The following PRSS27 variants were observed in gnomAD, a reference collection of about 807,000 sequenced individuals.
The protein encoded by PRSS27 is channel-activating protease 2.
PRSS27 carries 25 observed loss-of-function variants against 32.0 expected under a neutral mutation model. The observed-to-expected ratio is 0.78, with a 90% CI of 0.57 to 1.09. The LOEUF (loss-of-function observed/expected upper bound fraction) is 1.09, where lower values mean the gene tolerates loss of function less well. Among genes scored for constraint, PRSS27 ranks in the 50% least tolerant of loss-of-function variants. PRSS27 has a pLI of 0.00. For missense variants in PRSS27, 401 were observed against 394.9 expected, an observed-to-expected ratio of 1.02 and a Z score of -0.13; for synonymous variants, 178 against 172.2, an observed-to-expected ratio of 1.03 and a Z score of -0.26.
rs377061460 is a variant in PRSS27 at position 2,713,640 on chromosome 16, G to A, written c.567C>T (p.Pro189=). The change falls in exon 5 of 6, where the codon CCC becomes CCT. Residue 189 remains proline, a synonymous_variant. Coordinates refer to ENST00000302641, the MANE Select transcript of PRSS27 (RefSeq NM_031948.5). ...QKLAVPIIDT[P]KCNLLYSKDT... ...CTTTGCTGTAGAGCAGGTTGCACTTGGGTGTGTCGATGATGGGCACAGCGA... is the reference window on the plus strand; with the variant it reads ...CTTTGCTGTAGAGCAGGTTGCACTTAGGTGTGTCGATGATGGGCACAGCGA... 1 of 1,614,116 alleles carries A rather than the reference G, an allele frequency of 6.2e-7. No homozygotes were observed. The highest frequency in any genetic ancestry group is 1.3e-5 in the African/African-American group (1 of 74,950).
intron 2 of PRSS27, 175 bp downstream of exon 2, chr16:2,716,325 G>A (rs572864119): frequency 1.5e-6 from 1 of 666,480 alleles, no homozygotes; most frequent in African/African-American, 1.8e-5. Context: ...TCCTGCTCTT[G>A]TGTGGACCTT....
Position 2,712,914 on chromosome 16 carries a change from T to C in PRSS27, c.679-100A>G. On this transcript the variant is annotated intron_variant, in intron 5 of 5. Coordinates refer to ENST00000302641, the MANE Select transcript of PRSS27 (RefSeq NM_031948.5). The surrounding 1 kb of genome is among the most constrained non-coding windows in gnomAD (Gnocchi z 4.6). ...GTGTAGCTCCGCAATGGATTCCTTC[T>C]CTCCATCCCAGAGCCTCTCTGCCCG... The C allele has an allele frequency of 1.0e-6, 1 of 965,382 alleles. No homozygotes were observed. The allele number at this position is 965,382 out of a possible 1,614,324, so 59.8% of individuals were successfully genotyped here.
chr16:2,719,595 G>A (rs1002935692), intron 1 of PRSS27, among the ~76,000 whole-genome samples: 2 of 152,172 alleles, frequency 1.3e-5, no homozygotes, highest in African/African-American at 2.4e-5. Context: ...GCAGGAGACA[G>A]GGCCCTCTGC....
At chr16:2,719,094 G>A (rs1281904257) in intron 1 of PRSS27, among the ~76,000 whole-genome samples, 1 of 152,220 alleles carries the variant, frequency 6.6e-6, no homozygotes, top group Non-Finnish European at 1.5e-5. Context: ...GTGAGGACGT[G>A]TCCAGGAGTC....
chr16:2,719,226 T>C (rs776241164), intron 1 of PRSS27, among the ~76,000 whole-genome samples: 7 of 150,848 alleles, frequency 4.6e-5, no homozygotes, highest in Non-Finnish European at 7.4e-5. Context: ...CCTGTGCACA[T>C]GGCTTGCTCA....
chr16:2,719,732 A>G (rs1296337307), intron 1 of PRSS27, among the ~76,000 whole-genome samples: 4 of 152,102 alleles, frequency 2.6e-5, no homozygotes, highest in African/African-American at 9.7e-5. Context: ...AGGCACTTGG[A>G]GCCTGAGTTC....
intron 2 of PRSS27, 129 bp downstream of exon 2, chr16:2,716,371 A>G: frequency 1.2e-6 from 1 of 856,310 alleles, no homozygotes; most frequent in South Asian, 1.5e-5. Context: ...AGTTCCACAC[A>G]GCCCCCACTT....
rs1011553834 is a variant in PRSS27 at position 2,714,729 on chromosome 16, C to T, written c.237-393G>A. ...GCAGGTGACCTGCCCTCTCTCAGCC[C>T]GAGTTTCCGATTTTTTTTTTCCCCT... On this transcript the variant is annotated intron_variant, in intron 3 of 5. Coordinates refer to ENST00000302641, the MANE Select transcript of PRSS27 (RefSeq NM_031948.5). The surrounding 1 kb of genome is among the most constrained non-coding windows in gnomAD (Gnocchi z 4.7). 2.4e-5 allele frequency: 6 copies of T among 249,958 alleles called. No individual in the cohort carries two copies. Among genetic ancestry groups the T allele is most frequent in the Non-Finnish European group, 3.9e-5 (5 of 126,814 alleles). The allele number at this position is 249,958 out of a possible 1,614,324, so 15.5% of individuals were successfully genotyped here. A position where few individuals can be genotyped will look rare whatever the true frequency, so the allele number is the denominator to read the frequency against.
chr16:2,719,549 A>G (rs2067722196), intron 1 of PRSS27, among the ~76,000 whole-genome samples: 1 of 152,040 alleles, frequency 6.6e-6, no homozygotes, highest in African/African-American at 2.4e-5. Context: ...CAGGACTGGG[A>G]GAGGGCACGG....
rs1478148969 is a variant in PRSS27 at position 2,716,124 on chromosome 16, A to C, written c.74-244T>G. 4.3e-5 allele frequency: 23 copies of C among 532,312 alleles called. 1 individual carries two copies. The highest frequency in any genetic ancestry group is 1.3e-5 in the Non-Finnish European group (4 of 301,322). 33.0% of individuals were successfully genotyped at this position (532,312 alleles called of 1,614,324 possible). ...ACCTAACACCTGCCTCTTGGGGGCCACGGAGGCACTGAGATAACCCAGGGA... is the reference window on the plus strand; with the variant it reads ...ACCTAACACCTGCCTCTTGGGGGCCCCGGAGGCACTGAGATAACCCAGGGA... On this transcript the variant is annotated intron_variant, in intron 2 of 5. Coordinates refer to ENST00000302641, the MANE Select transcript of PRSS27 (RefSeq NM_031948.5).
chr16:2,712,714 C>T lies in PRSS27; in HGVS notation c.779G>A (p.Gly260Asp), dbSNP rs2067670115. 2.5e-6 allele frequency: 4 copies of T among 1,595,454 alleles called. No individual in the cohort carries two copies. The highest frequency in any genetic ancestry group is 2.3e-5 in the East Asian group (1 of 44,050). The change falls in exon 6 of 6, where the codon GGT (glycine) becomes GAT (aspartate). Residue 260 changes from glycine to aspartate, a missense_variant. Coordinates refer to ENST00000302641, the MANE Select transcript of PRSS27 (RefSeq NM_031948.5). This position sits in a 1 kb window ranked among gnomAD's most constrained non-coding sequence, Gnocchi z 4.6. ...GTGGGCGGTGACACGGATGTAGACACCTGGGCGGTTCTGGCGGGCACAGCC... is the reference window on the plus strand; with the variant it reads ...GTGGGCGGTGACACGGATGTAGACATCTGGGCGGTTCTGGCGGGCACAGCC... ...GEGCARQNRP[G>D]VYIRVTAHHN...
intron 2 of PRSS27, 128 bp from the exon 3 acceptor site, chr16:2,716,008 G>T (rs953321625): frequency 1.0e-5 from 8 of 796,498 alleles, no homozygotes; most frequent in Non-Finnish European, 9.4e-6. Flanking sequence ...CCTTGGGGAA[G>T]TCGGAGGCCT....
intron 1 of PRSS27, 136 bp downstream of exon 1, chr16:2,719,979 G>C: frequency 2.5e-6 from 2 of 808,292 alleles, no homozygotes; most frequent in South Asian, 3.5e-5. Flanking sequence ...CACCTGCTCA[G>C]GGGCAGGAGG....
rs574674040 is a variant in PRSS27, at chr16:2,717,348, C to G, written c.47-822G>C. The stretch of plus-strand genomic sequence containing the variant: ...CTGCTGTCCATTGCCTCCCACACCC[C>G]AGGACACAAAGGGCCTCTTGCTGGG... On this transcript the variant is annotated intron_variant, in intron 1 of 5. Coordinates refer to ENST00000302641, the MANE Select transcript of PRSS27 (RefSeq NM_031948.5). This position sits in a 1 kb window ranked among gnomAD's most constrained non-coding sequence, Gnocchi z 4.1. 1.3e-5 allele frequency: 2 copies of G among 152,432 alleles called. No homozygotes were observed. Among genetic ancestry groups the G allele is most frequent in the Non-Finnish European group, 2.9e-5 (2 of 68,232 alleles). The allele number at this position is 152,432 out of a possible 1,614,324, so 9.4% of individuals were successfully genotyped here.
At chr16:2,713,842 C>T (rs1443919687) in intron 4 of PRSS27, 144 bp from the exon 5 acceptor site, 10 of 1,035,456 alleles carry the variant, frequency 9.7e-6, no homozygotes, top group East Asian at 5.2e-5. Context: ...AGACATCCTC[C>T]CTCCTTCCAG....
rs1176986638 is a variant in PRSS27, at chr16:2,717,219, C to CAGG, written c.47-694_47-693insCCT. 1 of 152,518 alleles carries CAGG rather than the reference C, an allele frequency of 6.6e-6. No homozygotes were observed. The highest frequency in any genetic ancestry group is 1.5e-5 in the Non-Finnish European group (1 of 68,322). 9.4% of individuals were successfully genotyped at this position (152,518 alleles called of 1,614,324 possible). The stretch of plus-strand genomic sequence containing the variant: ...CTTGGCAGACGAGGCCCAGGACCCC[C>CAGG]TGCTGGGCTGTGCAAGGGGGCTTTG... On this transcript the variant is annotated intron_variant, in intron 1 of 5. Transcript: ENST00000302641. The surrounding 1 kb of genome is among the most constrained non-coding windows in gnomAD (Gnocchi z 4.1).
chr16:2,713,006 G>GGT (rs749148938), intron 5 of PRSS27, 192 bp from the exon 6 acceptor site: 81 of 565,722 alleles, frequency 1.4e-4, no homozygotes, highest in Middle Eastern at 4.5e-4. Context: ...GATCAACTAG[G>GGT]GTGTGTGTGT....
intron 5 of PRSS27, chr16:2,713,063 C>T: frequency 1.8e-6 from 1 of 541,256 alleles, no homozygotes; most frequent in Non-Finnish European, 3.2e-6. Flanking sequence ...CCCACTGACT[C>T]TGATCCTTCT....
rs142731537 is a variant in PRSS27, at chr16:2,714,277, C to T, written c.296G>A (p.Gly99Glu). The change falls in exon 4 of 6, where the codon GGA (glycine) becomes GAA (glutamate). Residue 99 changes from glycine (G) to glutamate (E), a missense_variant. Coordinates refer to ENST00000302641, the MANE Select transcript of PRSS27 (RefSeq NM_031948.5). The surrounding 1 kb of genome is among the most constrained non-coding windows in gnomAD (Gnocchi z 4.7). ...CACCCGGGCATACATAGCGTGTGGT[C>T]CCGGCTGCACTAGCTGCCTTGCCCC... ...LLGARQLVQPGPHAMYARVRQ... is the reference protein window; with the variant it reads ...LLGARQLVQPEPHAMYARVRQ... 4 of 1,613,344 alleles carry T rather than the reference C, an allele frequency of 2.5e-6. No homozygotes were observed. The highest frequency in any genetic ancestry group is 3.4e-6 in the Non-Finnish European group (4 of 1,179,842).
Sources: allele counts gnomAD v4.1 joint callset (sites outside exome capture counted in the v4.1 genomes callset), GRCh38; gene constraint gnomAD v4.1.1; non-coding constraint Gnocchi (gnomAD v3.1); transcripts MANE v1.5; gene names NCBI Gene and HGNC (gene_info 2026-07-23, HGNC 2026-07-21).